SYNPR: variants seen among roughly 807,000 people sequenced by gnomAD.
SYNPR encodes synaptoporin.
Under a neutral mutation model 32.9 loss-of-function variants are expected in SYNPR, and 23 were observed. The observed-to-expected ratio is 0.70, with a 90% CI of 0.50 to 0.99. SYNPR has a LOEUF of 0.99. Ranked by LOEUF, SYNPR falls within the 50% of genes least tolerant of loss-of-function variation. The pLI is 0.00. For synonymous variants in SYNPR, 146 were observed against 135.9 expected, an observed-to-expected ratio of 1.07 and a Z score of -0.52; for missense variants, 318 against 349.3, an observed-to-expected ratio of 0.91 and a Z score of 0.71.
intron 2 of SYNPR, among the ~76,000 whole-genome samples, chr3:63,379,929 C>T (rs896851952): frequency 2.6e-5 from 4 of 151,924 alleles, no homozygotes; most frequent in Non-Finnish European, 5.9e-5. Flanking sequence ...TGAGTGAGAA[C>T]TTGCGGTGTT....
chr3:63,441,663 C>T (rs1700178556), intron 2 of SYNPR, among the ~76,000 whole-genome samples: 1 of 152,120 alleles, frequency 6.6e-6, no homozygotes, highest in Admixed American at 6.5e-5. Context: ...AGAGATTTGT[C>T]AATAAGCAGG....
intron 3 of SYNPR, among the ~76,000 whole-genome samples, chr3:63,514,642 G>A (rs1265651694): frequency 5.3e-5 from 8 of 152,128 alleles, no homozygotes; most frequent in African/African-American, 7.2e-5. Flanking sequence ...AATATATATT[G>A]TAGAATGAGG....
chr3:63,313,864 TATATATATCC>T (rs1255471201), intron 2 of SYNPR, among the ~76,000 whole-genome samples: 12 of 54,164 alleles, frequency 2.2e-4, no homozygotes, highest in African/African-American at 1.1e-3. Context: ...TATATCCATA[TATATATATCC>T]ATATATATAT....
At chr3:63,209,070 A>C in the SYNPR span, among the ~76,000 whole-genome samples, 3 of 152,198 alleles carry the variant, frequency 2.0e-5, no homozygotes, top group African/African-American at 7.2e-5. Context: ...CATCATCATT[A>C]AAAACATATC....
At chr3:63,394,781 T>C (rs1397841308) in intron 2 of SYNPR, among the ~76,000 whole-genome samples, 1 of 152,208 alleles carries the variant, frequency 6.6e-6, no homozygotes, top group Non-Finnish European at 1.5e-5. Flanking sequence ...GGAATATCAA[T>C]ATGTTCAGAG....
At chr3:63,428,765 G>A (rs1384243560) in intron 2 of SYNPR, among the ~76,000 whole-genome samples, 2 of 152,216 alleles carry the variant, frequency 1.3e-5, no homozygotes, top group Non-Finnish European at 1.5e-5. Flanking sequence ...GGCTAGCCTA[G>A]GCTTATTCCC....
chr3:63,565,120 A>G (rs1428498655), intron 4 of SYNPR, among the ~76,000 whole-genome samples: 1 of 152,164 alleles, frequency 6.6e-6, no homozygotes, highest in Admixed American at 6.5e-5. Flanking sequence ...ATGAAATGTG[A>G]AATGTTTCTA....
At chr3:63,465,918 T>C (rs1030425401) in intron 2 of SYNPR, among the ~76,000 whole-genome samples, 1 of 152,222 alleles carries the variant, frequency 6.6e-6, no homozygotes, top group East Asian at 1.9e-4. Flanking sequence ...TTTTTAACTT[T>C]ATTTTAAGCT....
chr3:63,253,688 G>A (rs536323863), intron 2 of SYNPR, among the ~76,000 whole-genome samples: 1 of 152,144 alleles, frequency 6.6e-6, no homozygotes, highest in Non-Finnish European at 1.5e-5. Context: ...AGAGGATGTG[G>A]AGAAATAAGA....
At chr3:63,448,770 C>T (rs533498811) in intron 2 of SYNPR, among the ~76,000 whole-genome samples, 7 of 152,226 alleles carry the variant, frequency 4.6e-5, no homozygotes, top group African/African-American at 1.7e-4. Flanking sequence ...TTTCTGCATT[C>T]CCAGAACTAA....
At chr3:63,592,701 AATAAAT>A (rs1699860293) in intron 4 of SYNPR, among the ~76,000 whole-genome samples, 1 of 152,094 alleles carries the variant, frequency 6.6e-6, no homozygotes, top group African/African-American at 2.4e-5. Flanking sequence ...CAAATTAAAA[AATAAAT>A]AAATAAATAA....
At chr3:63,542,109 T>C (rs563001598) in intron 3 of SYNPR, among the ~76,000 whole-genome samples, 70 of 152,292 alleles carry the variant, frequency 4.6e-4, no homozygotes, top group Non-Finnish European at 8.8e-4. Flanking sequence ...GCACCAAATG[T>C]GCCAGTCACT....
intron 3 of SYNPR, among the ~76,000 whole-genome samples, chr3:63,542,680 G>A (rs1323881556): frequency 6.6e-6 from 1 of 152,100 alleles, no homozygotes; most frequent in Non-Finnish European, 1.5e-5. Flanking sequence ...TTGGATAAAA[G>A]AGCATTTTAT....
chr3:63,600,024 A>G (rs1268393402), intron 4 of SYNPR, among the ~76,000 whole-genome samples: 1 of 152,246 alleles, frequency 6.6e-6, no homozygotes, highest in Non-Finnish European at 1.5e-5. Flanking sequence ...CATAAAATAT[A>G]CCAAAAATCA....
chr3:63,535,379 T>C (rs550688948), intron 3 of SYNPR, among the ~76,000 whole-genome samples: 2 of 152,268 alleles, frequency 1.3e-5, no homozygotes, highest in East Asian at 3.9e-4. Context: ...CAATAACCTG[T>C]GATTCCTTCT....
intron 3 of SYNPR, among the ~76,000 whole-genome samples, chr3:63,489,722 T>C (rs896110421): frequency 6.6e-6 from 1 of 152,178 alleles, no homozygotes; most frequent in Non-Finnish European, 1.5e-5. Context: ...TACATATATA[T>C]GCATATATGC....
chr3:63,232,013 G>C (rs537205744), intron 1 of SYNPR, among the ~76,000 whole-genome samples: 2 of 152,058 alleles, frequency 1.3e-5, no homozygotes, highest in South Asian at 4.2e-4. Flanking sequence ...CTGTGATCAA[G>C]ATGAAAAGGC....
At chr3:63,436,279 T>G (rs992342068) in intron 2 of SYNPR, among the ~76,000 whole-genome samples, 13 of 151,558 alleles carry the variant, frequency 8.6e-5, no homozygotes, top group African/African-American at 2.9e-4. Flanking sequence ...TGTGCTGCAC[T>G]CATTAACTCA....
intron 1 of SYNPR, among the ~76,000 whole-genome samples, chr3:63,237,795 G>C (rs1443946545): frequency 2.0e-5 from 3 of 151,978 alleles, no homozygotes; most frequent in South Asian, 2.1e-4. Flanking sequence ...TGGTTTAAAT[G>C]GTGCCTGAGA....
Sources: gnomAD v4.1 joint callset for allele counts (sites outside exome capture counted in the v4.1 genomes callset) on GRCh38, gnomAD v4.1.1 for gene constraint, MANE v1.5 for transcripts, NCBI Gene and HGNC (gene_info 2026-07-23, HGNC 2026-07-21) for gene names.